The following DOK6 variants were observed in gnomAD, a reference collection of about 807,000 sequenced individuals.
DOK6 encodes docking protein 6, also known as downstream of tyrosine kinase 6.
Under a neutral mutation model 44.0 loss-of-function variants are expected in DOK6, and 22 were observed. The observed-to-expected ratio is 0.50, with a 90% CI of 0.36 to 0.71. The LOEUF is 0.71. Among genes scored for constraint, DOK6 ranks in the 30% least tolerant of loss-of-function variants. The probability of loss-of-function intolerance (pLI) is 0.00; values close to 1 mark genes in which losing one functional copy is unlikely to be tolerated. For missense variants in DOK6, 340 were observed against 416.4 expected (o/e 0.82, Z 1.60); for synonymous variants, 166 against 145.5 (o/e 1.14, Z -1.01).
At chr18:69,741,648 C>A (rs1978802454) in intron 6 of DOK6, among the ~76,000 whole-genome samples, 2 of 152,040 alleles carry the variant, frequency 1.3e-5, no homozygotes, top group Admixed American at 6.5e-5. Context: ...AGGCCTGCAC[C>A]ACTATTCCTA....
intron 1 of DOK6, among the ~76,000 whole-genome samples, chr18:69,501,820 C>T (rs1436932834): frequency 6.6e-6 from 1 of 151,850 alleles, no homozygotes; most frequent in South Asian, 2.1e-4. Context: ...TTAAATATAT[C>T]TTTATAAAGG....
chr18:69,579,974 G>A (rs1400494418), intron 2 of DOK6, among the ~76,000 whole-genome samples: 1 of 152,122 alleles, frequency 6.6e-6, no homozygotes, highest in African/African-American at 2.4e-5. Flanking sequence ...CAAGCAAACT[G>A]ATCTGGTCAG....
intron 1 of DOK6, among the ~76,000 whole-genome samples, chr18:69,430,892 G>C (rs1041838726): frequency 2.0e-5 from 3 of 152,122 alleles, no homozygotes; most frequent in Non-Finnish European, 2.9e-5. Flanking sequence ...CTTGAACCCG[G>C]GAGACGGAGG....
intron 1 of DOK6, among the ~76,000 whole-genome samples, chr18:69,519,553 G>C (rs370417178): frequency 2.9e-4 from 44 of 152,032 alleles, no homozygotes; most frequent in Middle Eastern, 6.8e-3. Flanking sequence ...TGGCTAAAAT[G>C]TTAGGTGTAT....
At chr18:69,803,502 C>A (rs1442805382) in intron 7 of DOK6, among the ~76,000 whole-genome samples, 1 of 152,146 alleles carries the variant, frequency 6.6e-6, no homozygotes, top group African/African-American at 2.4e-5. Flanking sequence ...TTATAGAATT[C>A]ATTTACTCTT....
chr18:69,825,135 A>C (rs1981702032), intron 7 of DOK6, among the ~76,000 whole-genome samples: 1 of 152,208 alleles, frequency 6.6e-6, no homozygotes, highest in South Asian at 2.1e-4. Context: ...CAAATTTGAT[A>C]GAGGTATAGA....
intron 3 of DOK6, among the ~76,000 whole-genome samples, chr18:69,623,059 G>A (rs1163910296): frequency 6.6e-6 from 1 of 152,162 alleles, no homozygotes; most frequent in African/African-American, 2.4e-5. Context: ...ATTATGGGGG[G>A]TGGACTTCTC....
chr18:69,721,559 G>A (rs961811878), intron 5 of DOK6: 5 of 152,156 alleles, frequency 3.3e-5, no homozygotes, highest in African/African-American at 1.2e-4. Flanking sequence ...TTGTGCTATT[G>A]TTTGCAGTAC....
intron 4 of DOK6, among the ~76,000 whole-genome samples, chr18:69,693,616 A>C (rs906353073): frequency 6.6e-6 from 1 of 152,016 alleles, no homozygotes; most frequent in Admixed American, 6.6e-5. Context: ...TGTTTGAAGG[A>C]CTTCTCACCC....
At chr18:69,454,845 TG>T (rs1215019727) in intron 1 of DOK6, among the ~76,000 whole-genome samples, 1 of 137,310 alleles carries the variant, frequency 7.3e-6, no homozygotes, top group East Asian at 2.2e-4. Context: ...CACTCATAGG[TG>T]GGAATTGAAC....
chr18:69,612,665 A>G (rs1385493537), intron 3 of DOK6, among the ~76,000 whole-genome samples: 2 of 151,862 alleles, frequency 1.3e-5, no homozygotes, highest in Non-Finnish European at 2.9e-5. Flanking sequence ...GGGGCTTCAC[A>G]CTCTGTTCAC....
chr18:69,766,718 A>T (rs1300414374), intron 7 of DOK6, among the ~76,000 whole-genome samples: 1 of 152,152 alleles, frequency 6.6e-6, no homozygotes, highest in Non-Finnish European at 1.5e-5. Context: ...GGAGTGGCAG[A>T]GATGGAAGAA....
At chr18:69,796,031 G>A (rs1050433638) in intron 7 of DOK6, among the ~76,000 whole-genome samples, 2 of 152,194 alleles carry the variant, frequency 1.3e-5, no homozygotes, top group Admixed American at 6.5e-5. Flanking sequence ...TCAGAGAAGA[G>A]AGAAATGAAA....
Position 69,739,082 on chromosome 18 carries a change from A to C in DOK6, c.717A>C (p.Leu239=). The C allele has an allele frequency of 1.2e-6, 2 of 1,614,064 alleles. No homozygotes were observed. Among genetic ancestry groups the C allele is most frequent in the Non-Finnish European group, 1.7e-6 (2 of 1,179,902 alleles). Residue 239 remains leucine (L), a synonymous_variant, in exon 6 of 8, where the codon CTA becomes CTC. Transcript: ENST00000382713. ...CTGAGCAACATGAAAGATTAATGCT[A>C]GAAATGGAACAGAAGGCCCGGGTAA... ...AIAEQHERLM[L]EMEQKARLQT... is the part of the protein sequence containing the mutation.
At chr18:69,564,341 A>G in intron 1 of DOK6, 146 bp from the exon 2 acceptor site, 1 of 654,586 alleles carries the variant, frequency 1.5e-6, no homozygotes. Context: ...ATTTAAAAAT[A>G]CTGTAATCTT....
chr18:69,565,515 GTGTGTGTATATATA>G (rs1329767650), intron 2 of DOK6, among the ~76,000 whole-genome samples: 717 of 9,264 alleles, frequency 0.077, 11 homozygotes, highest in Middle Eastern at 0.21. Flanking sequence ...GTGTGTGTGT[GTGTGTGTATATATA>G]TATACATAAT....
At chr18:69,481,478 G>GT (rs1322430884) in intron 1 of DOK6, among the ~76,000 whole-genome samples, 3 of 152,020 alleles carry the variant, frequency 2.0e-5, no homozygotes, top group Non-Finnish European at 4.4e-5. Flanking sequence ...GCGGTGTTTG[G>GT]TTTTTTGTCC....
At chr18:69,404,820 G>A (rs1916170637) in intron 1 of DOK6, among the ~76,000 whole-genome samples, 2 of 151,334 alleles carry the variant, frequency 1.3e-5, no homozygotes, top group Admixed American at 1.3e-4. Context: ...TGTGTATTCA[G>A]GTACACACTC....
intron 1 of DOK6, among the ~76,000 whole-genome samples, chr18:69,533,169 C>A (rs1293582625): frequency 6.6e-6 from 1 of 152,080 alleles, no homozygotes; most frequent in Non-Finnish European, 1.5e-5. Flanking sequence ...CAAAACAGTT[C>A]TTTTCATTGT....
Sources: allele counts gnomAD v4.1 joint callset (sites outside exome capture counted in the v4.1 genomes callset), GRCh38; gene constraint gnomAD v4.1.1; transcripts MANE v1.5; gene names NCBI Gene and HGNC (gene_info 2026-07-23, HGNC 2026-07-21).